PIAS1: variants seen among roughly 807,000 people sequenced by gnomAD.
PIAS1 encodes the protein E3 SUMO-protein ligase PIAS1.
In PIAS1, 6 loss-of-function variants were observed where a neutral mutation model predicts 71.3. That is an observed-to-expected ratio of 0.08 (90% CI 0.05 to 0.17). The LOEUF (loss-of-function observed/expected upper bound fraction) is 0.17. PIAS1 is among the 10% of genes least tolerant of loss of function. PIAS1 has a pLI of 1.00. For missense variants in PIAS1, 555 were observed against 793.6 expected (o/e 0.70, Z 3.61); for synonymous variants, 303 against 292.9 (o/e 1.03, Z -0.35).
At chr15:68,069,885 C>T (rs2092075140) in intron 1 of PIAS1, among the ~76,000 whole-genome samples, 1 of 151,704 alleles carries the variant, frequency 6.6e-6, no homozygotes, top group African/African-American at 2.4e-5. Context: ...TGTACCTTTC[C>T]ATATTTGAAT....
chr15:68,181,261 C>G lies in PIAS1; in HGVS notation c.1531C>G (p.Leu511Val). 1 of 1,613,634 alleles carries G rather than the reference C, an allele frequency of 6.2e-7. No homozygotes were observed. Among genetic ancestry groups the G allele is most frequent in the Non-Finnish European group, 8.5e-7 (1 of 1,179,626 alleles). ...QASPVSRTPS[L>V]PAVDTSYINT... ...ATCTCCAGTATCCCGCACCCCAAGC[C>G]TTCCTGCTGTAGACACAAGCTACAT... The change falls in exon 12 of 14, where the codon CTT becomes GTT. Residue 511 changes from leucine to valine, a missense_variant. By Grantham distance (32) the Leu-to-Val change is conservative. Coordinates refer to ENST00000249636, the MANE Select transcript of PIAS1 (RefSeq NM_016166.3).
chr15:68,158,590 A>G (rs1429126157), intron 7 of PIAS1, among the ~76,000 whole-genome samples: 5 of 152,092 alleles, frequency 3.3e-5, no homozygotes, highest in Admixed American at 6.5e-5. Context: ...TTGAATTCCT[A>G]TTGCTCAGCA....
At position 68,158,972 on chromosome 15, in the gene PIAS1, G is replaced by T. The variant is rs1302835903; in HGVS notation, c.934+5277G>T. ...GAATTTTTATTTAAATTTAAATACA[G>T]CGTCATGTGAGTAGTGGCTAACTCC... On this transcript the variant is annotated intron_variant, in intron 7 of 13. Transcript: ENST00000249636. 3.3e-5 allele frequency among the ~76,000 whole-genome samples: 5 copies of T among 152,210 alleles called. No homozygotes were observed. The East Asian group carries it at 9.7e-4, about 29-fold the overall frequency.
At chr15:68,078,343 T>C (rs944873496) in intron 1 of PIAS1, among the ~76,000 whole-genome samples, 1 of 152,214 alleles carries the variant, frequency 6.6e-6, no homozygotes, top group African/African-American at 2.4e-5. Context: ...TACATGTAGA[T>C]AAATCCTGCG....
intron 11 of PIAS1, among the ~76,000 whole-genome samples, chr15:68,180,882 C>G (rs1161868714): frequency 6.6e-6 from 1 of 152,192 alleles, no homozygotes; most frequent in Non-Finnish European, 1.5e-5. Flanking sequence ...AGGTATCTTT[C>G]ACTCATATCC....
chr15:68,158,858 T>A (rs953381516), intron 7 of PIAS1, among the ~76,000 whole-genome samples: 1 of 152,158 alleles, frequency 6.6e-6, no homozygotes, highest in Non-Finnish European at 1.5e-5. Flanking sequence ...ATAATGGAAG[T>A]GTTCTCTATC....
chr15:68,056,167 A>G (rs575307936), intron 1 of PIAS1, among the ~76,000 whole-genome samples: 57 of 152,198 alleles, frequency 3.7e-4, no homozygotes, highest in African/African-American at 1.2e-3. Context: ...GCCTTGTAAT[A>G]TTTATTTTGT....
At chr15:68,098,224 T>C (rs1418742292) in intron 2 of PIAS1, among the ~76,000 whole-genome samples, 1 of 152,206 alleles carries the variant, frequency 6.6e-6, no homozygotes, top group Non-Finnish European at 1.5e-5. Context: ...ACCAATAACA[T>C]AAACAGTTGA....
intron 1 of PIAS1, among the ~76,000 whole-genome samples, chr15:68,067,251 G>T (rs911527064): frequency 6.6e-6 from 1 of 152,108 alleles, no homozygotes; most frequent in African/African-American, 2.4e-5. Flanking sequence ...TAACCATCCT[G>T]TATGTTCAGA....
intron 10 of PIAS1, among the ~76,000 whole-genome samples, chr15:68,176,133 C>T (rs1228328246): frequency 6.6e-6 from 1 of 152,006 alleles, no homozygotes; most frequent in Non-Finnish European, 1.5e-5. Flanking sequence ...TGTAAAGACA[C>T]TATGAGTTTT....
rs1337136653 is a variant in PIAS1, at chr15:68,136,365, C to T, written c.470-5581C>T. 2.3e-4 allele frequency among the ~76,000 whole-genome samples: 11 copies of T among 48,794 alleles called. 3 individuals carry two copies. Among genetic ancestry groups the T allele is most frequent in the African/African-American group, 3.9e-4 (9 of 23,216 alleles). 32.0% of individuals were successfully genotyped at this position (48,794 alleles called of 152,430 possible). On this transcript the variant is annotated intron_variant, in intron 2 of 13. Coordinates refer to ENST00000249636, the MANE Select transcript of PIAS1 (RefSeq NM_016166.3). Reference sequence around the variant, plus strand: ...CTGCAATCCCGGCGCCTCGGGAGGCCGAGGCTGGCGGATCACTCGCGGTTA... The same window carrying T: ...CTGCAATCCCGGCGCCTCGGGAGGCTGAGGCTGGCGGATCACTCGCGGTTA...
rs533749350 is a variant in PIAS1, at chr15:68,115,213, G to A, written c.470-26733G>A. 3.9e-5 allele frequency among the ~76,000 whole-genome samples: 6 copies of A among 152,188 alleles called. No individual in the cohort carries two copies. The East Asian group carries it at 5.8e-4, about 15-fold the overall frequency. Reference sequence around the variant, plus strand: ...AGCATCCATGTGGAGGGCTTTATGTGGACATATGTTTTCAGCTCCTTTAGG... The same window carrying A: ...AGCATCCATGTGGAGGGCTTTATGTAGACATATGTTTTCAGCTCCTTTAGG... On this transcript the variant is annotated intron_variant, in intron 2 of 13. Transcript: ENST00000249636.
chr15:68,099,130 TTTG>T lies in PIAS1; in HGVS notation c.469+12401_469+12403del, dbSNP rs368373360. On this transcript the variant is annotated intron_variant, in intron 2 of 13. Transcript: ENST00000249636. ...ACTTCTCTTATGGGTGAGGGTGAAG[TTTG>T]TTGTTGTTGTTGTTGTTGTTTTTAA... is the stretch of plus-strand genomic sequence containing the variant. Among the ~76,000 whole-genome samples the T allele has an allele frequency of 8.9e-3, 1,360 of 151,960 alleles. 15 individuals carry two copies. Among genetic ancestry groups the T allele is most frequent in the African/African-American group, 0.024 (977 of 41,476 alleles).
At chr15:68,074,559 G>A (rs1290527330) in intron 1 of PIAS1, among the ~76,000 whole-genome samples, 3 of 152,098 alleles carry the variant, frequency 2.0e-5, no homozygotes, top group East Asian at 3.9e-4. Context: ...TTCAAGGAAT[G>A]GTATTAAGAA....
intron 6 of PIAS1, among the ~76,000 whole-genome samples, chr15:68,153,054 G>T (rs1410266205): frequency 6.6e-6 from 1 of 151,608 alleles, no homozygotes; most frequent in African/African-American, 2.4e-5. Flanking sequence ...AATGGCCCAA[G>T]TATAATCTTT....
chr15:68,152,247 CT>C (rs1431261017), intron 6 of PIAS1, among the ~76,000 whole-genome samples: 1 of 152,110 alleles, frequency 6.6e-6, no homozygotes, highest in Admixed American at 6.5e-5. Context: ...CTGCTCCCGG[CT>C]GGGAAAGTTT....
At chr15:68,144,483 G>A (rs1264274416) in intron 4 of PIAS1, among the ~76,000 whole-genome samples, 3 of 151,890 alleles carry the variant, frequency 2.0e-5, no homozygotes, top group Non-Finnish European at 4.4e-5. Context: ...GGGTGATTTA[G>A]ATTAGTTGAA....
At chr15:68,067,224 G>A (rs1890998231) in intron 1 of PIAS1, among the ~76,000 whole-genome samples, 2 of 152,142 alleles carry the variant, frequency 1.3e-5, no homozygotes. Context: ...TATTTAGTTA[G>A]AGGAGACCTG....
intron 2 of PIAS1, among the ~76,000 whole-genome samples, chr15:68,112,335 C>G (rs955010283): frequency 2.0e-5 from 3 of 152,078 alleles, no homozygotes; most frequent in Admixed American, 6.6e-5. Context: ...CCTAATTTCC[C>G]TCCAGCTACA....
Sources: allele counts gnomAD v4.1 joint callset (sites outside exome capture counted in the v4.1 genomes callset), GRCh38; gene constraint gnomAD v4.1.1; transcripts MANE v1.5; gene names NCBI Gene and HGNC (gene_info 2026-07-23, HGNC 2026-07-21).